The following RAPH1 variants were observed in gnomAD, a reference collection of about 807,000 sequenced individuals.
RAPH1 encodes ras-associated and pleckstrin homology domains-containing protein 1.
A neutral mutation model predicts 88.1 loss-of-function variants in RAPH1; 18 were observed. That is an observed-to-expected ratio of 0.20 (90% CI 0.14 to 0.30). The LOEUF is 0.30. RAPH1 is among the 10% of genes least tolerant of loss of function. RAPH1 has a pLI of 1.00. For missense variants in RAPH1, 1,448 were observed against 1,543.2 expected (o/e 0.94, Z 1.03); for synonymous variants, 587 against 559.0 (o/e 1.05, Z -0.71).
At chr2:203,513,552 AAG>A in intron 1 of RAPH1, among the ~76,000 whole-genome samples, 1 of 149,164 alleles carries the variant, frequency 6.7e-6, no homozygotes, top group African/African-American at 2.5e-5. Flanking sequence ...AAAAAAAAAA[AAG>A]GCCAGGCGCG....
intron 1 of RAPH1, among the ~76,000 whole-genome samples, chr2:203,497,142 CACTGGAGTA>C (rs1367396912): frequency 6.6e-6 from 1 of 152,194 alleles, no homozygotes; most frequent in Non-Finnish European, 1.5e-5. Context: ...TTTCATGAAG[CACTGGAGTA>C]CTTTGTTCTT....
intron 2 of RAPH1, among the ~76,000 whole-genome samples, chr2:203,491,680 G>T (rs1403872926): frequency 6.6e-6 from 1 of 152,036 alleles, no homozygotes; most frequent in East Asian, 1.9e-4. Context: ...GCTAATTTTT[G>T]TATTTTTAGT....
intron 1 of RAPH1, among the ~76,000 whole-genome samples, chr2:203,502,290 C>T (rs1274743316): frequency 6.6e-6 from 1 of 152,028 alleles, no homozygotes; most frequent in African/African-American, 2.4e-5. Flanking sequence ...TCTTCTTTAC[C>T]CAGAGGACAG....
chr2:203,447,793 C>T (rs2098511273), intron 12 of RAPH1, 166 bp downstream of exon 12: 1 of 602,094 alleles, frequency 1.7e-6, no homozygotes, highest in Admixed American at 3.1e-5. Flanking sequence ...GCCCATGATA[C>T]TGTACCCTCT....
At chr2:203,460,099 G>A (rs1481521101) in intron 6 of RAPH1, 71 bp from the exon 7 acceptor site, 3 of 1,363,444 alleles carry the variant, frequency 2.2e-6, no homozygotes, top group Non-Finnish European at 3.0e-6. Flanking sequence ...GAAACTTTGT[G>A]AAGTAGTTAA....
chr2:203,502,306 T>C (rs189724318), intron 1 of RAPH1, among the ~76,000 whole-genome samples: 147 of 152,292 alleles, frequency 9.7e-4, no homozygotes, highest in Middle Eastern at 3.4e-3. Context: ...GACAGAGAAG[T>C]ACTAGGAAAG....
chr2:203,438,686 A>C lies in RAPH1; in HGVS notation c.*751T>G, dbSNP rs886823237. The C allele has an allele frequency of 1.9e-5, 3 of 159,542 alleles. No individual in the cohort carries two copies. Among genetic ancestry groups the C allele is most frequent in the African/African-American group, 7.2e-5 (3 of 41,502 alleles). The allele number at this position is 159,542 out of a possible 1,614,324, so 9.9% of individuals were successfully genotyped here. Reference sequence around the variant, plus strand: ...AAGAGCTTATCTGTCAGCACATCCTAAATGTGGGTGGATCACTGCAGCAGT... The same window carrying C: ...AAGAGCTTATCTGTCAGCACATCCTCAATGTGGGTGGATCACTGCAGCAGT... On this transcript the variant is annotated 3_prime_UTR_variant, in exon 14 of 14. Transcript: ENST00000319170.
At chr2:203,471,179 C>G (rs971077995) in intron 4 of RAPH1, among the ~76,000 whole-genome samples, 3 of 152,046 alleles carry the variant, frequency 2.0e-5, no homozygotes, top group Admixed American at 2.0e-4. Flanking sequence ...TAGTATTTAA[C>G]AGTACATAGT....
chr2:203,491,450 A>C, intron 2 of RAPH1, 131 bp from the exon 3 acceptor site: 1 of 566,638 alleles, frequency 1.8e-6, no homozygotes, highest in Non-Finnish European at 3.1e-6. Flanking sequence ...CCTAAGTAAT[A>C]GACTTAAGGA....
In RAPH1 at chr2:203,436,464, T is replaced by C. The variant is rs2153631673; in HGVS notation, c.*2973A>G. The C allele has an allele frequency of 6.6e-6, 1 of 152,318 alleles. No homozygotes were observed. The highest frequency in any genetic ancestry group is 1.9e-4 in the East Asian group (1 of 5,194). 9.4% of individuals were successfully genotyped at this position (152,318 alleles called of 1,614,324 possible). A position where few individuals can be genotyped will look rare whatever the true frequency, so the allele number is the denominator to read the frequency against. On this transcript the variant is annotated 3_prime_UTR_variant, in exon 14 of 14. Transcript: ENST00000319170. ...GTAAAATCCAATACAGAATATCTAA[T>C]AAACCATAAGTTATTTTACTGAGAA...
chr2:203,461,190 T>A, intron 6 of RAPH1, 59 bp downstream of exon 6: 2 of 1,083,316 alleles, frequency 1.8e-6, no homozygotes, highest in Non-Finnish European at 2.6e-6. Flanking sequence ...TTTATCAGCA[T>A]GAAAACTGAT....
At chr2:203,529,797 T>C (rs535986421) in intron 1 of RAPH1, among the ~76,000 whole-genome samples, 1 of 152,250 alleles carries the variant, frequency 6.6e-6, no homozygotes, top group Non-Finnish European at 1.5e-5. Flanking sequence ...TAGTCTAACA[T>C]AATGGTAAAT....
chr2:203,481,717 G>C (rs534665267), intron 4 of RAPH1, among the ~76,000 whole-genome samples: 1 of 148,976 alleles, frequency 6.7e-6, no homozygotes, highest in Non-Finnish European at 1.5e-5. Context: ...TCAGCCTCCC[G>C]AGTAGCTGGA....
At chr2:203,492,893 C>T (rs965497043) in intron 2 of RAPH1, among the ~76,000 whole-genome samples, 1 of 151,730 alleles carries the variant, frequency 6.6e-6, no homozygotes, top group Non-Finnish European at 1.5e-5. Flanking sequence ...GAAAAATGCA[C>T]ATACATAAAA....
chr2:203,488,486 G>A (rs533146238), intron 4 of RAPH1, among the ~76,000 whole-genome samples: 2 of 150,640 alleles, frequency 1.3e-5, no homozygotes, highest in South Asian at 4.2e-4. Context: ...CTACTCAGGA[G>A]GCTGAGGCAG....
chr2:203,478,773 G>T (rs1687591409), intron 4 of RAPH1, among the ~76,000 whole-genome samples: 1 of 152,212 alleles, frequency 6.6e-6, no homozygotes, highest in African/African-American at 2.4e-5. Context: ...ACAGGCGTGA[G>T]CCACTGCGCC....
intron 13 of RAPH1, chr2:203,444,428 CAAAAAA>C (rs79801084): frequency 7.2e-5 from 6 of 82,914 alleles, no homozygotes; most frequent in Admixed American, 1.3e-4. Flanking sequence ...GACACTCTGT[CAAAAAA>C]AAAAAAAAAA....
chr2:203,444,981 C>G lies in RAPH1; in HGVS notation c.1663G>C (p.Asp555His), dbSNP rs1463617701. 3 of 1,614,106 alleles carry G rather than the reference C, an allele frequency of 1.9e-6. No individual in the cohort carries two copies. Among genetic ancestry groups the G allele is most frequent in the South Asian group, 1.1e-5 (1 of 91,068 alleles). ...GGCTGGGTGTCAGAAACTCCGCTAT[C>G]AGACTGATTGGAGTGGTTTGACTGA... ...ESQSNHSNQS[D>H]SGVSDTQPAG... The change falls in exon 13 of 14, where the codon GAT (aspartate) becomes CAT (histidine). Residue 555 changes from aspartate (D) to histidine (H), a missense_variant. This residue lies in a region of RAPH1 where 935 missense variants were observed against 890.1 expected (regional missense o/e 1.05). Transcript: ENST00000319170.
chr2:203,512,146 C>T lies in RAPH1; in HGVS notation c.1-16793G>A, dbSNP rs374846169. On this transcript the variant is annotated intron_variant, in intron 1 of 13. Coordinates refer to ENST00000319170, the MANE Select transcript of RAPH1 (RefSeq NM_213589.3). ...AAAAAAGAATTAAGCAGAATATGGG[C>T]CAGGGGTGGTGGTGGCTCACACCTA... Among the ~76,000 whole-genome samples, 117 of 150,848 alleles carry T rather than the reference C, an allele frequency of 7.8e-4. 1 individual carries two copies. Among genetic ancestry groups the T allele is most frequent in the Middle Eastern group, 3.5e-3 (1 of 286 alleles).
Sources: gnomAD v4.1 joint callset for allele counts (sites outside exome capture counted in the v4.1 genomes callset) on GRCh38, gnomAD v4.1.1 for gene constraint, gnomAD v4.1.1 regional missense constraint, MANE v1.5 for transcripts, NCBI Gene and HGNC (gene_info 2026-07-23, HGNC 2026-07-21) for gene names.